PDE3A: variants seen among roughly 807,000 people sequenced by gnomAD.
PDE3A encodes the protein phosphodiesterase 3A, also known as cGMP-inhibited 3',5'-cyclic phosphodiesterase 3A.
Under a neutral mutation model 98.3 loss-of-function variants are expected in PDE3A, and 43 were observed. The ratio of observed to expected loss-of-function variants is 0.44; its 90% CI spans 0.34 to 0.56. The LOEUF is 0.56. Among genes scored for constraint, PDE3A ranks in the 20% least tolerant of loss-of-function variants. The pLI, the probability that PDE3A is intolerant of heterozygous loss-of-function variation, is 0.01. For missense variants in PDE3A, 1,427 were observed against 1,440.7 expected, an observed-to-expected ratio of 0.99 and a Z score of 0.15; for synonymous variants, 663 against 567.9, an observed-to-expected ratio of 1.17 and a Z score of -2.38.
chr12:20,505,563 A>G (rs1946102619), intron 1 of PDE3A, among the ~76,000 whole-genome samples: 1 of 152,062 alleles, frequency 6.6e-6, no homozygotes, highest in African/African-American at 2.4e-5. Context: ...TACTGAAAAG[A>G]ACTCAGTGTT....
chr12:20,517,450 T>G (rs1197435015), intron 1 of PDE3A, among the ~76,000 whole-genome samples: 2 of 152,206 alleles, frequency 1.3e-5, no homozygotes, highest in African/African-American at 4.8e-5. Flanking sequence ...GTGTGATTAT[T>G]GTAAACTCTT....
chr12:20,513,249 G>A (rs539141610), intron 1 of PDE3A, among the ~76,000 whole-genome samples: 112 of 152,124 alleles, frequency 7.4e-4, no homozygotes, highest in Middle Eastern at 3.4e-3. Flanking sequence ...AAATTTATAC[G>A]ATTTTAGCAG....
chr12:20,443,115 T>G (rs1223605713), intron 1 of PDE3A, among the ~76,000 whole-genome samples: 1 of 152,050 alleles, frequency 6.6e-6, no homozygotes, highest in Non-Finnish European at 1.5e-5. Context: ...TATACAAATG[T>G]AAATATATAA....
intron 2 of PDE3A, among the ~76,000 whole-genome samples, chr12:20,575,993 T>C (rs1277573702): frequency 6.6e-6 from 1 of 152,010 alleles, no homozygotes; most frequent in Non-Finnish European, 1.5e-5. Flanking sequence ...TTGAACTTTT[T>C]AAAAAATTGA....
At chr12:20,421,670 T>C (rs1944514515) in intron 1 of PDE3A, among the ~76,000 whole-genome samples, 1 of 151,924 alleles carries the variant, frequency 6.6e-6, no homozygotes. Flanking sequence ...ACCTTTGCTA[T>C]TAACAGGAAG....
intron 1 of PDE3A, among the ~76,000 whole-genome samples, chr12:20,392,346 A>G (rs1399969664): frequency 6.6e-6 from 1 of 151,922 alleles, no homozygotes; most frequent in Non-Finnish European, 1.5e-5. Context: ...ACAAATTTAT[A>G]ACTATCACTG....
intron 1 of PDE3A, among the ~76,000 whole-genome samples, chr12:20,535,805 A>T (rs973999858): frequency 1.3e-5 from 2 of 150,936 alleles, no homozygotes; most frequent in Non-Finnish European, 3.0e-5. Context: ...TGGTCAAAAC[A>T]TTAATTATTT....
At chr12:20,674,366 C>T (rs975231588) in intron 15 of PDE3A, among the ~76,000 whole-genome samples, 27 of 152,184 alleles carry the variant, frequency 1.8e-4, no homozygotes, top group African/African-American at 6.5e-4. Context: ...GCACCTTGTC[C>T]TTTTCTAGTT....
intron 1 of PDE3A, among the ~76,000 whole-genome samples, chr12:20,407,068 C>A (rs1285436294): frequency 6.6e-6 from 1 of 152,186 alleles, no homozygotes; most frequent in Non-Finnish European, 1.5e-5. Context: ...GACATCCTGT[C>A]TTATGCTGCT....
intron 1 of PDE3A, among the ~76,000 whole-genome samples, chr12:20,502,262 A>G (rs569717701): frequency 6.6e-6 from 1 of 152,202 alleles, no homozygotes; most frequent in East Asian, 1.9e-4. Flanking sequence ...ATCACTTCCA[A>G]CTTCTTTTTA....
chr12:20,442,821 C>G (rs1173653607), intron 1 of PDE3A, among the ~76,000 whole-genome samples: 1 of 152,144 alleles, frequency 6.6e-6, no homozygotes, highest in Non-Finnish European at 1.5e-5. Flanking sequence ...AAACTTAACA[C>G]AATAAATGTA....
At chr12:20,383,668 G>A (rs1943698783) in intron 1 of PDE3A, among the ~76,000 whole-genome samples, 1 of 151,984 alleles carries the variant, frequency 6.6e-6, no homozygotes, top group Non-Finnish European at 1.5e-5. Flanking sequence ...ATTGGTTTCA[G>A]TTTATAAATT....
chr12:20,386,215 A>G (rs1251617425), intron 1 of PDE3A, among the ~76,000 whole-genome samples: 1 of 48,908 alleles, frequency 2.0e-5, no homozygotes, highest in Admixed American at 3.6e-4. Flanking sequence ...ATATATATAA[A>G]TATATAAAAA....
chr12:20,595,275 G>C (rs1457794248), intron 2 of PDE3A, among the ~76,000 whole-genome samples: 1 of 151,994 alleles, frequency 6.6e-6, no homozygotes, highest in Non-Finnish European at 1.5e-5. Flanking sequence ...ACTTTCTTCT[G>C]AAGAAAAAGG....
intron 1 of PDE3A, among the ~76,000 whole-genome samples, chr12:20,443,936 G>A (rs920040226): frequency 3.9e-5 from 6 of 152,102 alleles, no homozygotes; most frequent in African/African-American, 1.4e-4. Context: ...CCATTTAAAG[G>A]CAGACTCCTT....
At chr12:20,483,779 G>A (rs1945674420) in intron 1 of PDE3A, among the ~76,000 whole-genome samples, 1 of 151,980 alleles carries the variant, frequency 6.6e-6, no homozygotes, top group South Asian at 2.1e-4. Context: ...TATTAATGAT[G>A]GATTATCTAA....
chr12:20,659,626 A>G (rs1945114779), intron 15 of PDE3A, among the ~76,000 whole-genome samples: 1 of 152,090 alleles, frequency 6.6e-6, no homozygotes, highest in African/African-American at 2.4e-5. Flanking sequence ...CTGTAGAAAC[A>G]GGACCTCACT....
At chr12:20,553,693 A>T (rs1442662137) in intron 1 of PDE3A, among the ~76,000 whole-genome samples, 2 of 152,150 alleles carry the variant, frequency 1.3e-5, no homozygotes, top group Non-Finnish European at 2.9e-5. Flanking sequence ...CCTCAAGGGG[A>T]CTCCGCTCCA....
At chr12:20,627,463 C>T (rs1404852025) in intron 5 of PDE3A, among the ~76,000 whole-genome samples, 2 of 152,078 alleles carry the variant, frequency 1.3e-5, no homozygotes, top group Non-Finnish European at 2.9e-5. Context: ...GACTGCTCCT[C>T]TGACATCCCC....
Sources: allele counts gnomAD v4.1 joint callset (sites outside exome capture counted in the v4.1 genomes callset), GRCh38; gene constraint gnomAD v4.1.1; transcripts MANE v1.5; gene names NCBI Gene and HGNC (gene_info 2026-07-23, HGNC 2026-07-21).